The following ZCCHC7 variants were observed in gnomAD, a reference collection of about 807,000 sequenced individuals.
The protein encoded by ZCCHC7 is zinc finger CCHC-type containing 7.
A neutral mutation model predicts 52.0 loss-of-function variants in ZCCHC7; 35 were observed. The ratio of observed to expected loss-of-function variants is 0.67; its 90% CI spans 0.51 to 0.89. ZCCHC7 has a LOEUF of 0.89. ZCCHC7 is among the 40% of genes least tolerant of loss of function. The probability of loss-of-function intolerance (pLI) is 0.00; values close to 1 mark genes in which losing one functional copy is unlikely to be tolerated. For synonymous variants in ZCCHC7, 217 were observed against 221.5 expected, an observed-to-expected ratio of 0.98 and a Z score of 0.18; for missense variants, 574 against 649.1, an observed-to-expected ratio of 0.88 and a Z score of 1.26.
intron 2 of ZCCHC7, among the ~76,000 whole-genome samples, chr9:37,170,061 T>TAA (rs1047024022): frequency 6.6e-4 from 95 of 143,908 alleles, no homozygotes; most frequent in African/African-American, 2.1e-3. Context: ...TCCTATCTCT[T>TAA]AAAAAAAAAA....
chr9:37,314,755 A>G (rs1829739811), intron 5 of ZCCHC7, among the ~76,000 whole-genome samples: 1 of 151,806 alleles, frequency 6.6e-6, no homozygotes, highest in Admixed American at 6.6e-5. Context: ...CTTTTAAAAA[A>G]AAAAAAAAAA....
chr9:37,173,313 T>G (rs758551550), intron 2 of ZCCHC7, among the ~76,000 whole-genome samples: 23 of 152,244 alleles, frequency 1.5e-4, no homozygotes, highest in Non-Finnish European at 2.8e-4. Flanking sequence ...TGCAGACTGA[T>G]TATGAAGTTT....
In ZCCHC7 at chr9:37,351,735, A is replaced by G. The variant is rs371651318; in HGVS notation, c.1083+2283A>G. Among the ~76,000 whole-genome samples, 64 of 152,344 alleles carry G rather than the reference A, an allele frequency of 4.2e-4. 1 individual carries two copies. In the South Asian group the frequency reaches 0.013, roughly 30 times the overall value. The stretch of plus-strand genomic sequence containing the variant: ...ATTCACATAAGCTTTCCATTACCAC[A>G]CAAATCACATAGATGTACAATTTTT... On this transcript the variant is annotated intron_variant, in intron 7 of 8. Transcript: ENST00000336755.
chr9:37,139,741 A>T lies in ZCCHC7; in HGVS notation c.610+12799A>T, dbSNP rs745959868. Among the ~76,000 whole-genome samples the T allele has an allele frequency of 1.1e-4, 16 of 152,102 alleles. No homozygotes were observed. The South Asian group carries it at 1.4e-3, about 14-fold the overall frequency. On this transcript the variant is annotated intron_variant, in intron 2 of 8. Transcript: ENST00000336755. ...TTTTGCTTAAATATACAATTAACTT[A>T]TAACCACCTCAGTGTGAAAGAATGG...
intron 1 of ZCCHC7, among the ~76,000 whole-genome samples, chr9:37,123,436 A>G (rs1000003440): frequency 5.9e-5 from 9 of 152,218 alleles, no homozygotes; most frequent in African/African-American, 1.9e-4. Context: ...ATCCTCTTAA[A>G]GGCCATAGGG....
intron 2 of ZCCHC7, among the ~76,000 whole-genome samples, chr9:37,269,356 G>A (rs1360636320): frequency 1.3e-5 from 2 of 152,148 alleles, no homozygotes; most frequent in Admixed American, 6.5e-5. Flanking sequence ...TGTAGTACCT[G>A]CAGAAATACC....
chr9:37,336,671 A>C (rs967367486), intron 6 of ZCCHC7, among the ~76,000 whole-genome samples: 1 of 152,190 alleles, frequency 6.6e-6, no homozygotes, highest in Non-Finnish European at 1.5e-5. Context: ...ATATAGTAGC[A>C]GATTTGAATA....
chr9:37,307,421 C>T (rs1032640004), intron 5 of ZCCHC7, among the ~76,000 whole-genome samples: 3 of 151,998 alleles, frequency 2.0e-5, no homozygotes, highest in South Asian at 4.1e-4. Context: ...CTAATCAGTA[C>T]AAAGTCATTT....
intron 2 of ZCCHC7, among the ~76,000 whole-genome samples, chr9:37,265,814 C>A (rs1390994921): frequency 6.6e-6 from 1 of 152,136 alleles, no homozygotes; most frequent in Non-Finnish European, 1.5e-5. Context: ...AGAATTGACA[C>A]CCCTCAGTGT....
At chr9:37,175,490 G>A (rs1821969991) in intron 2 of ZCCHC7, among the ~76,000 whole-genome samples, 1 of 152,058 alleles carries the variant, frequency 6.6e-6, no homozygotes, top group South Asian at 2.1e-4. Context: ...GGTCACTTGA[G>A]TCCAGGAGTT....
chr9:37,199,780 A>G (rs1205421238), intron 2 of ZCCHC7, among the ~76,000 whole-genome samples: 1 of 146,914 alleles, frequency 6.8e-6, no homozygotes, highest in Non-Finnish European at 1.5e-5. Flanking sequence ...ATCTCGGCTC[A>G]CTGCAAGCTC....
intron 2 of ZCCHC7, among the ~76,000 whole-genome samples, chr9:37,163,407 AAAG>A (rs1261796720): frequency 6.7e-6 from 1 of 150,068 alleles, no homozygotes. Flanking sequence ...AAAAAAAAGA[AAAG>A]AAAAAAATAG....
chr9:37,342,023 G>A (rs990424458), intron 6 of ZCCHC7, among the ~76,000 whole-genome samples: 1 of 152,146 alleles, frequency 6.6e-6, no homozygotes, highest in Non-Finnish European at 1.5e-5. Context: ...GGTATGTTCT[G>A]ATTTGCAGGC....
intron 2 of ZCCHC7, among the ~76,000 whole-genome samples, chr9:37,161,012 C>T (rs908933827): frequency 2.0e-5 from 3 of 151,212 alleles, no homozygotes; most frequent in African/African-American, 7.3e-5. Flanking sequence ...TACAGTGGCA[C>T]GATCTCAGCT....
intron 2 of ZCCHC7, among the ~76,000 whole-genome samples, chr9:37,299,221 G>A (rs1284693162): frequency 1.3e-5 from 2 of 152,218 alleles, no homozygotes; most frequent in Non-Finnish European, 1.5e-5. Context: ...ACACATGGAA[G>A]ATGAGTGTTC....
chr9:37,304,387 C>A (rs1829198932), intron 4 of ZCCHC7, 74 bp downstream of exon 4: 3 of 1,545,308 alleles, frequency 1.9e-6, no homozygotes, highest in South Asian at 2.4e-5. Flanking sequence ...GGCACGGTGG[C>A]TCATGCCTGT....
At chr9:37,314,776 A>C (rs1170771055) in intron 5 of ZCCHC7, among the ~76,000 whole-genome samples, 1 of 151,056 alleles carries the variant, frequency 6.6e-6, no homozygotes, top group Admixed American at 6.6e-5. Context: ...AAAAGTATAC[A>C]TTCCAGACAG....
intron 2 of ZCCHC7, among the ~76,000 whole-genome samples, chr9:37,274,853 A>G (rs1434722010): frequency 6.6e-6 from 1 of 151,632 alleles, no homozygotes; most frequent in Non-Finnish European, 1.5e-5. Context: ...ATAGTGAGAG[A>G]TGAATACCAA....
intron 2 of ZCCHC7, among the ~76,000 whole-genome samples, chr9:37,233,497 T>A (rs1027605050): frequency 5.3e-5 from 8 of 152,258 alleles, no homozygotes; most frequent in Admixed American, 1.3e-4. Context: ...CTTAATTGCA[T>A]ACCAGTGTTA....
Sources: gnomAD v4.1 joint callset for allele counts (sites outside exome capture counted in the v4.1 genomes callset) on GRCh38, gnomAD v4.1.1 for gene constraint, MANE v1.5 for transcripts, NCBI Gene and HGNC (gene_info 2026-07-23, HGNC 2026-07-21) for gene names.